TAPBP: variants seen among roughly 807,000 people sequenced by gnomAD.
TAPBP encodes the protein tapasin.
A neutral mutation model predicts 45.7 loss-of-function variants in TAPBP; 38 were observed. The ratio of observed to expected loss-of-function variants is 0.83; its 90% confidence interval spans 0.64 to 1.09. TAPBP has a LOEUF of 1.09. Among genes scored for constraint, TAPBP ranks in the 50% least tolerant of loss-of-function variants. TAPBP has a pLI of 0.00. For synonymous variants in TAPBP, 226 were observed against 254.8 expected, an observed-to-expected ratio of 0.89 and a Z score of 1.08; for missense variants, 513 against 587.3, an observed-to-expected ratio of 0.87 and a Z score of 1.31.
Position 33,313,209 on chromosome 6 carries a change from C to G in TAPBP, c.469+8G>C, listed in dbSNP as rs200904092. The G allele has an allele frequency of 1.0e-5, 16 of 1,602,078 alleles. No individual in the cohort carries two copies. Among genetic ancestry groups the G allele is most frequent in the Non-Finnish European group, 1.3e-5 (15 of 1,170,588 alleles). On this transcript the variant is annotated splice_region_variant and intron_variant, in intron 3 of 7. Transcript: ENST00000434618. The surrounding 1 kb of genome is among the most constrained non-coding windows in gnomAD (Gnocchi z 7.2). ...ACCCACCCTTCTCCACCTCCCCTCCCCAGCTACCTGTTGCCATGGTGATGA... is the reference window on the plus strand; with the variant it reads ...ACCCACCCTTCTCCACCTCCCCTCCGCAGCTACCTGTTGCCATGGTGATGA...
intron 3 of TAPBP, among the ~76,000 whole-genome samples, chr6:33,309,271 G>C (rs1345200525): frequency 6.6e-6 from 1 of 152,048 alleles, no homozygotes; most frequent in African/African-American, 2.4e-5. Context: ...TGTAATCACA[G>C]CTGCTTGGGA....
At chr6:33,310,821 G>A (rs1769294698) in intron 3 of TAPBP, among the ~76,000 whole-genome samples, 1 of 152,058 alleles carries the variant, frequency 6.6e-6, no homozygotes. Flanking sequence ...GGGCGACAGA[G>A]GGAGACCCTG....
Position 33,313,801 on chromosome 6 carries a change from C to T in TAPBP, c.101G>A (p.Ser34Asn). 1 of 1,613,828 alleles carries T rather than the reference C, an allele frequency of 6.2e-7. No individual in the cohort carries two copies. The highest frequency in any genetic ancestry group is 1.1e-5 in the South Asian group (1 of 91,080). ...VIECWFVEDASGKGLAKRPGA... is the reference protein window; with the variant it reads ...VIECWFVEDANGKGLAKRPGA... ...GGGTCTCTTGGCCAGGCCCTTTCCG[C>T]TCGCATCCTCCACGAACCAACACTC... The change falls in exon 2 of 8, where the codon AGC becomes AAC. Residue 34 changes from serine (S) to asparagine (N), a missense_variant. Transcript: ENST00000434618. This position sits in a 1 kb window ranked among gnomAD's most constrained non-coding sequence, Gnocchi z 7.2.
intron 7 of TAPBP, 167 bp downstream of exon 7, chr6:33,303,788 T>A: frequency 6.4e-7 from 1 of 1,557,610 alleles, no homozygotes. Context: ...AGTAGCATGC[T>A]CAAAGAGTCC....
In TAPBP at chr6:33,313,327, T is replaced by G; in HGVS notation, c.359A>C (p.Asp120Ala). Residue 120 changes from aspartate (D) to alanine (A), a missense_variant, in exon 3 of 8, where the codon GAT becomes GCT. Coordinates refer to ENST00000434618, the MANE Select transcript of TAPBP (RefSeq NM_003190.5). This position sits in a 1 kb window ranked among gnomAD's most constrained non-coding sequence, Gnocchi z 7.2. ...TATGCTGACCATCAGCCAAGCCCCA[T>G]CCAGGGCCCGCGGGCAGTTCTGCGC... ...TPAQNCPRAL[D>A]GAWLMVSISS... The G allele has an allele frequency of 6.2e-7, 1 of 1,613,462 alleles. No individual in the cohort carries two copies. Among genetic ancestry groups the G allele is most frequent in the Non-Finnish European group, 8.5e-7 (1 of 1,179,930 alleles).
chr6:33,301,704 T>G lies in TAPBP; in HGVS notation c.*56A>C. 3.3e-6 allele frequency: 5 copies of G among 1,518,804 alleles called. 1 individual carries two copies. Among genetic ancestry groups the G allele is most frequent in the Middle Eastern group, 3.4e-4 (2 of 5,896 alleles). The allele number at this position is 1,518,804 out of a possible 1,614,324, so 94.1% of individuals were successfully genotyped here. A position where few individuals can be genotyped will look rare whatever the true frequency, so the allele number is the denominator to read the frequency against. On this transcript the variant is annotated 3_prime_UTR_variant, in exon 8 of 8. Coordinates refer to ENST00000434618, the MANE Select transcript of TAPBP (RefSeq NM_003190.5). ...ATAGGGTATTATTTTAGGGAGCTACTACAGAAGCTTGGGCCAGAGATGATG... is the reference window on the plus strand; with the variant it reads ...ATAGGGTATTATTTTAGGGAGCTACGACAGAAGCTTGGGCCAGAGATGATG...
chr6:33,308,908 A>C (rs2150967201), intron 3 of TAPBP, among the ~76,000 whole-genome samples: 1 of 152,272 alleles, frequency 6.6e-6, no homozygotes, highest in Admixed American at 6.5e-5. Flanking sequence ...AGAAATGTCT[A>C]GGTCCTTCAG....
In TAPBP at chr6:33,309,599, C is replaced by CTTTT. The variant is rs759356578; in HGVS notation, c.469+3614_469+3617dup. Reference sequence around the variant, plus strand: ...GACCTAAAGGTTTTACAGTTTAACTCTTTTTTTTTTTTTTTTTTTTTTGGA... The same window carrying CTTTT: ...GACCTAAAGGTTTTACAGTTTAACTCTTTTTTTTTTTTTTTTTTTTTTTTTTGGA... On this transcript the variant is annotated intron_variant, in intron 3 of 7. Coordinates refer to ENST00000434618, the MANE Select transcript of TAPBP (RefSeq NM_003190.5). 5.3e-3 allele frequency among the ~76,000 whole-genome samples: 488 copies of CTTTT among 91,418 alleles called. 19 individuals are homozygous for CTTTT. Among genetic ancestry groups the CTTTT allele is most frequent in the African/African-American group, 0.016 (354 of 22,786 alleles). 60.0% of individuals were successfully genotyped at this position (91,418 alleles called of 152,430 possible). A position where few individuals can be genotyped will look rare whatever the true frequency, so the allele number is the denominator to read the frequency against.
At position 33,304,626 on chromosome 6, in the gene TAPBP, A is replaced by T. The variant is rs771401588; in HGVS notation, c.881T>A (p.Val294Glu). 12 of 1,574,914 alleles carry T rather than the reference A, an allele frequency of 7.6e-6. No homozygotes were observed. The highest frequency in any genetic ancestry group is 7.7e-6 in the Non-Finnish European group (9 of 1,164,836). Reference protein sequence around the residue: ...LELAVYKPPKVSLMPATLARA... With the variant: ...LELAVYKPPKESLMPATLARA... ...TGCAAGGGTTGCTGGCATCAGGGACACTTTGGGGGGTTCTGGGGAAAGAGG... is the reference window on the plus strand; with the variant it reads ...TGCAAGGGTTGCTGGCATCAGGGACTCTTTGGGGGGTTCTGGGGAAAGAGG... Residue 294 changes from valine (V) to glutamate (E), a missense_variant, in exon 5 of 8, where the codon GTG becomes GAG. By Grantham distance (121) the Val-to-Glu change is moderately radical. Transcript: ENST00000434618.
At chr6:33,304,031 A>G in intron 6 of TAPBP, 42 bp from the exon 7 acceptor site, 1 of 1,613,398 alleles carries the variant, frequency 6.2e-7, no homozygotes, top group Non-Finnish European at 8.5e-7. Flanking sequence ...CTGGAGTGGT[A>G]GAGGTGGAGG....
rs972784832 is a variant in TAPBP, at chr6:33,304,607, G to A, written c.900C>T (p.Thr300=). 7 of 1,586,196 alleles carry A rather than the reference G, an allele frequency of 4.4e-6. No homozygotes were observed. The highest frequency in any genetic ancestry group is 3.5e-5 in the Admixed American group (2 of 56,846). Reference sequence around the variant, plus strand: ...CCTCCCCTGGGGCGGCCCGTGCAAGGGTTGCTGGCATCAGGGACACTTTGG... The same window carrying A: ...CCTCCCCTGGGGCGGCCCGTGCAAGAGTTGCTGGCATCAGGGACACTTTGG... ...KPPKVSLMPA[T]LARAAPGEAP... The change falls in exon 5 of 8, where the codon ACC becomes ACT. Residue 300 remains threonine, a synonymous_variant. Transcript: ENST00000434618.
Position 33,301,573 on chromosome 6 carries a change from CAAAAAAAAAAAA to C in TAPBP, c.*175_*186del. On this transcript the variant is annotated 3_prime_UTR_variant, in exon 8 of 8. Coordinates refer to ENST00000434618, the MANE Select transcript of TAPBP (RefSeq NM_003190.5). ...TGGGCGGAAGAGTGAGACTCCGTCT[CAAAAAAAAAAAA>C]AAAAGAAAAATTATCCCTTATATAA... 2.4e-6 allele frequency: 1 copy of C among 422,542 alleles called. No homozygotes were observed. Among genetic ancestry groups the C allele is most frequent in the Non-Finnish European group, 4.1e-6 (1 of 241,314 alleles). The allele number at this position is 422,542 out of a possible 1,614,324, so 26.2% of individuals were successfully genotyped here.
chr6:33,313,492 G>C lies in TAPBP; in HGVS notation c.209-15C>G, dbSNP rs745989119. The C allele has an allele frequency of 6.5e-7, 1 of 1,544,244 alleles. No individual in the cohort carries two copies. The highest frequency in any genetic ancestry group is 8.7e-7 in the Non-Finnish European group (1 of 1,143,242). ...GCCCGCGGGGTCTGAGTGTAGAGAA[G>C]GAAGTTGCAGCTGTAGAGTCACCGC... On this transcript the variant is annotated splice_polypyrimidine_tract_variant and intron_variant, in intron 2 of 7. Coordinates refer to ENST00000434618, the MANE Select transcript of TAPBP (RefSeq NM_003190.5). This position sits in a 1 kb window ranked among gnomAD's most constrained non-coding sequence, Gnocchi z 7.2.
At position 33,313,483 on chromosome 6, in the gene TAPBP, T is replaced by G. The variant is rs1440565972; in HGVS notation, c.209-6A>C. ...CTGGAGGGCGCCCGCGGGGTCTGAGTGTAGAGAAGGAAGTTGCAGCTGTAG... is the reference window on the plus strand; with the variant it reads ...CTGGAGGGCGCCCGCGGGGTCTGAGGGTAGAGAAGGAAGTTGCAGCTGTAG... On this transcript the variant is annotated splice_region_variant and splice_polypyrimidine_tract_variant and intron_variant, in intron 2 of 7. Transcript: ENST00000434618. This position sits in a 1 kb window ranked among gnomAD's most constrained non-coding sequence, Gnocchi z 7.2. The G allele has an allele frequency of 6.4e-7, 1 of 1,554,750 alleles. No individual in the cohort carries two copies. The highest frequency in any genetic ancestry group is 8.7e-7 in the Non-Finnish European group (1 of 1,148,360).
rs747640833 is a variant in TAPBP at position 33,305,121 on chromosome 6, G to A, written c.736C>T (p.Pro246Ser). ...CCATTTCCGGTCCATGGGCCCCATGGCTCATCATCATCCCAAGCAGCAAAT... is the reference window on the plus strand; with the variant it reads ...CCATTTCCGGTCCATGGGCCCCATGACTCATCATCATCCCAAGCAGCAAAT... ...VAFAAWDDDE[P>S]WGPWTGNGTF... is the part of the protein sequence containing the mutation. The change falls in exon 4 of 8, where the codon CCA (proline) becomes TCA (serine). Residue 246 changes from proline (P) to serine (S), a missense_variant. Transcript: ENST00000434618. This position sits in a 1 kb window ranked among gnomAD's most constrained non-coding sequence, Gnocchi z 4.4. 1 of 1,614,176 alleles carries A rather than the reference G, an allele frequency of 6.2e-7. No homozygotes were observed. Among genetic ancestry groups the A allele is most frequent in the Admixed American group, 1.7e-5 (1 of 60,020 alleles).
rs373529380 is a variant in TAPBP at position 33,304,398 on chromosome 6, G to A, written c.1109C>T (p.Pro370Leu). The change falls in exon 5 of 8, where the codon CCA (proline) becomes CTA (leucine). Residue 370 changes from proline to leucine, a missense_variant. Coordinates refer to ENST00000434618, the MANE Select transcript of TAPBP (RefSeq NM_003190.5). ...TGCCCCATGCTGCTCAGTGGTGACT[G>A]GGGGCGGCTGCAAGTGCCCAGAGAG... is the stretch of plus-strand genomic sequence containing the variant. ...VSLSGHLQPP[P>L]VTTEQHGARY... is the part of the protein sequence containing the mutation. 2 of 1,612,516 alleles carry A rather than the reference G, an allele frequency of 1.2e-6. No homozygotes were observed. Among genetic ancestry groups the A allele is most frequent in the African/African-American group, 2.7e-5 (2 of 74,890 alleles).
In TAPBP at chr6:33,304,364, G is replaced by A. The variant is rs755761081; in HGVS notation, c.1143C>T (p.Ala381=). 3.7e-6 allele frequency: 6 copies of A among 1,612,428 alleles called. No homozygotes were observed. In the Admixed American group the frequency reaches 6.7e-5, roughly 18 times the overall value. The change falls in exon 5 of 8, where the codon GCC becomes GCT. Residue 381 remains alanine (A), a synonymous_variant. Transcript: ENST00000434618. The part of the protein sequence containing the change: ...VTTEQHGARY[A]CRIHHPSLPA... ...GCAGGCTGGGATGGTGAATTCGACA[G>A]GCATAGCGTGCCCCATGCTGCTCAG...
chr6:33,303,994 G>A lies in TAPBP; in HGVS notation c.1301-5C>T, dbSNP rs1222937786. 8 of 1,613,920 alleles carry A rather than the reference G, an allele frequency of 5.0e-6. No homozygotes were observed. In the South Asian group the frequency reaches 8.8e-5, roughly 18 times the overall value. ...TGCAGGTGGACAGGTAGACAGCTGT[G>A]GGGAAAGATTGAGAAGGGATGGGAT... On this transcript the variant is annotated splice_region_variant and splice_polypyrimidine_tract_variant and intron_variant, in intron 6 of 7. Coordinates refer to ENST00000434618, the MANE Select transcript of TAPBP (RefSeq NM_003190.5).
In TAPBP at chr6:33,303,701, T is replaced by A; in HGVS notation, c.1335+254A>T. ...GAGTATTTAAATTTACATATGTGGC[T>A]TGCATTATCTTTCTATTGGACAGCA... On this transcript the variant is annotated intron_variant, in intron 7 of 7. Transcript: ENST00000434618. The A allele has an allele frequency of 2.6e-6, 4 of 1,521,092 alleles. No individual in the cohort carries two copies. In the South Asian group the frequency reaches 4.8e-5, roughly 18 times the overall value. The allele number at this position is 1,521,092 out of a possible 1,614,324, so 94.2% of individuals were successfully genotyped here. A position where few individuals can be genotyped will look rare whatever the true frequency, so the allele number is the denominator to read the frequency against.
Sources: gnomAD v4.1 joint callset for allele counts (sites outside exome capture counted in the v4.1 genomes callset) on GRCh38, gnomAD v4.1.1 for gene constraint, Gnocchi (gnomAD v3.1) non-coding constraint, MANE v1.5 for transcripts, NCBI Gene and HGNC (gene_info 2026-07-23, HGNC 2026-07-21) for gene names.